Variants in SLC2A13 observed in about 807,000 individuals in gnomAD.
The protein encoded by SLC2A13 is proton myo-inositol cotransporter.
Under a neutral mutation model 64.4 loss-of-function variants are expected in SLC2A13, and 32 were observed. The observed-to-expected ratio is 0.50, with a 90% CI of 0.37 to 0.67. The LOEUF is 0.67. Ranked by LOEUF, SLC2A13 falls within the 30% of genes least tolerant of loss-of-function variation. The pLI is 0.00. For synonymous variants in SLC2A13, 338 were observed against 327.1 expected, an observed-to-expected ratio of 1.03 and a Z score of -0.36; for missense variants, 743 against 829.2, an observed-to-expected ratio of 0.90 and a Z score of 1.28.
chr12:39,942,981 T>C (rs1367282896), intron 4 of SLC2A13, among the ~76,000 whole-genome samples: 3 of 152,218 alleles, frequency 2.0e-5, no homozygotes, highest in Non-Finnish European at 4.4e-5. Flanking sequence ...TATTCCTTTC[T>C]GTTTGTTAGT....
At chr12:39,853,857 T>G (rs1409560204) in intron 6 of SLC2A13, among the ~76,000 whole-genome samples, 1 of 152,174 alleles carries the variant, frequency 6.6e-6, no homozygotes, top group African/African-American at 2.4e-5. Context: ...TGAAAGAGTT[T>G]TATGTTAGTT....
At chr12:40,084,842 G>A (rs1202808525) in intron 1 of SLC2A13, among the ~76,000 whole-genome samples, 1 of 152,142 alleles carries the variant, frequency 6.6e-6, no homozygotes, top group African/African-American at 2.4e-5. Flanking sequence ...ATGTCTTTTT[G>A]TATGCTAGTA....
At chr12:39,921,633 T>C (rs981397154) in intron 4 of SLC2A13, among the ~76,000 whole-genome samples, 1 of 152,156 alleles carries the variant, frequency 6.6e-6, no homozygotes, top group African/African-American at 2.4e-5. Flanking sequence ...CTATTTTAAG[T>C]TGGCAACTCA....
At chr12:39,902,897 T>G (rs1319702265) in intron 4 of SLC2A13, among the ~76,000 whole-genome samples, 2 of 152,140 alleles carry the variant, frequency 1.3e-5, no homozygotes. Context: ...CATTACCTTA[T>G]TCCTTATTGA....
intron 6 of SLC2A13, among the ~76,000 whole-genome samples, chr12:39,850,115 C>A (rs1943428360): frequency 6.6e-6 from 1 of 152,124 alleles, no homozygotes; most frequent in South Asian, 2.1e-4. Context: ...TTGACTCCAA[C>A]CAACTCCTTT....
chr12:39,852,342 C>A (rs1943491523), intron 6 of SLC2A13, among the ~76,000 whole-genome samples: 1 of 152,210 alleles, frequency 6.6e-6, no homozygotes, highest in Non-Finnish European at 1.5e-5. Flanking sequence ...TGACTGTAAT[C>A]AGTTGTAAGA....
intron 1 of SLC2A13, among the ~76,000 whole-genome samples, chr12:40,078,188 T>A (rs1384939495): frequency 6.6e-6 from 1 of 152,212 alleles, no homozygotes; most frequent in Non-Finnish European, 1.5e-5. Flanking sequence ...AGTACTATGC[T>A]GAATAGGAGT....
chr12:39,954,391 C>T (rs997564939), intron 3 of SLC2A13, among the ~76,000 whole-genome samples: 2 of 152,110 alleles, frequency 1.3e-5, no homozygotes, highest in African/African-American at 4.8e-5. Flanking sequence ...CAGAATTTCC[C>T]TTGAGTATTC....
At chr12:39,933,308 G>T (rs1242011555) in intron 4 of SLC2A13, among the ~76,000 whole-genome samples, 1 of 152,180 alleles carries the variant, frequency 6.6e-6, no homozygotes, top group Non-Finnish European at 1.5e-5. Context: ...TAGTTGCTCT[G>T]TGGAACATGG....
chr12:40,079,535 T>C (rs2086598), intron 1 of SLC2A13, among the ~76,000 whole-genome samples: 18,941 of 152,182 alleles, frequency 0.12, 1,565 homozygotes, highest in Middle Eastern at 0.18. Context: ...GTGTGGTCAA[T>C]GTTAGAGTAT....
At chr12:39,771,097 C>G (rs1302584324) in intron 7 of SLC2A13, among the ~76,000 whole-genome samples, 1 of 152,132 alleles carries the variant, frequency 6.6e-6, no homozygotes, top group Non-Finnish European at 1.5e-5. Flanking sequence ...TTTCTTGAAT[C>G]TGACTTTTCT....
chr12:40,053,561 T>C (rs1948292371), intron 1 of SLC2A13, among the ~76,000 whole-genome samples: 1 of 152,260 alleles, frequency 6.6e-6, no homozygotes, highest in Middle Eastern at 3.4e-3. Flanking sequence ...CTAGCATACA[T>C]AAACTTCTAG....
chr12:39,859,783 C>T (rs1180140132), intron 6 of SLC2A13, among the ~76,000 whole-genome samples: 1 of 152,112 alleles, frequency 6.6e-6, no homozygotes, highest in Non-Finnish European at 1.5e-5. Flanking sequence ...GACTTGGCCT[C>T]CCAAAGTGCT....
At chr12:39,866,980 G>C (rs1026461419) in intron 5 of SLC2A13, among the ~76,000 whole-genome samples, 1 of 152,160 alleles carries the variant, frequency 6.6e-6, no homozygotes, top group African/African-American at 2.4e-5. Flanking sequence ...TTTAACTACT[G>C]TTGGCTTAAA....
At chr12:39,817,103 G>C (rs1280017452) in intron 7 of SLC2A13, among the ~76,000 whole-genome samples, 1 of 152,234 alleles carries the variant, frequency 6.6e-6, no homozygotes, top group African/African-American at 2.4e-5. Flanking sequence ...AAAACACAGA[G>C]AACATCTCAT....
chr12:39,917,452 C>CTGTG (rs756293675), intron 4 of SLC2A13, among the ~76,000 whole-genome samples: 3 of 152,004 alleles, frequency 2.0e-5, no homozygotes, highest in Non-Finnish European at 4.4e-5. Context: ...AACATTGTTT[C>CTGTG]TGTGTGTGTC....
chr12:39,950,621 C>T (rs776274869), intron 4 of SLC2A13: 8 of 152,216 alleles, frequency 5.3e-5, no homozygotes, highest in African/African-American at 1.9e-4. Flanking sequence ...TCTAGTGCAA[C>T]AGAGGCCCTC....
chr12:39,902,035 C>G (rs574230518), intron 4 of SLC2A13, among the ~76,000 whole-genome samples: 1 of 151,994 alleles, frequency 6.6e-6, no homozygotes, highest in African/African-American at 2.4e-5. Flanking sequence ...AGTTCATGTC[C>G]TTTGTAGGGA....
At chr12:40,094,476 G>A (rs1199934961) in intron 1 of SLC2A13, among the ~76,000 whole-genome samples, 1 of 152,144 alleles carries the variant, frequency 6.6e-6, no homozygotes, top group Non-Finnish European at 1.5e-5. Flanking sequence ...AGAATATGGT[G>A]TCCAAAAGCC....
Sources: allele counts gnomAD v4.1 joint callset (sites outside exome capture counted in the v4.1 genomes callset), GRCh38; gene constraint gnomAD v4.1.1; transcripts MANE v1.5; gene names NCBI Gene and HGNC (gene_info 2026-07-23, HGNC 2026-07-21).